The following SLC25A26 variants were observed in gnomAD, a reference collection of about 807,000 sequenced individuals.
The protein encoded by SLC25A26 is mitochondrial S-adenosylmethionine carrier protein.
Under a neutral mutation model 37.8 loss-of-function variants are expected in SLC25A26, and 36 were observed. The ratio of observed to expected loss-of-function variants is 0.95; its 90% confidence interval spans 0.73 to 1.26. The LOEUF (loss-of-function observed/expected upper bound fraction) is 1.26, where lower values mean the gene tolerates loss of function less well. Ranked by LOEUF, SLC25A26 falls within the 50% of genes most tolerant of loss-of-function variation. SLC25A26 has a pLI of 0.00. For missense variants in SLC25A26, 390 were observed against 331.1 expected (o/e 1.18, Z -1.38); for synonymous variants, 129 against 122.5 (o/e 1.05, Z -0.35).
chr3:66,264,877 T>C (rs946957401), intron 5 of SLC25A26, among the ~76,000 whole-genome samples: 5 of 152,212 alleles, frequency 3.3e-5, no homozygotes, highest in African/African-American at 7.2e-5. Context: ...GAGCAGTGTA[T>C]CCCAGGGGAA....
rs138797364 is a variant in SLC25A26, at chr3:66,257,931, C to T, written c.301-4120C>T. On this transcript the variant is annotated intron_variant, in intron 3 of 9. Transcript: ENST00000354883. ...GCTGCTCGAGACTCTTGATGCGTTG[C>T]TCTGCCAGTCTCCATTTGAGGCTTC... is the stretch of plus-strand genomic sequence containing the variant. Among the ~76,000 whole-genome samples the T allele has an allele frequency of 6.9e-3, 1,058 of 152,322 alleles. 11 individuals carry two copies. Among genetic ancestry groups the T allele is most frequent in the African/African-American group, 0.023 (955 of 41,556 alleles).
At chr3:66,174,491 C>T (rs1176020214) in intron 1 of SLC25A26, among the ~76,000 whole-genome samples, 1 of 152,032 alleles carries the variant, frequency 6.6e-6, no homozygotes, top group Non-Finnish European at 1.5e-5. Flanking sequence ...TATGAAAATG[C>T]TCTATGAGGC....
chr3:66,276,366 T>C (rs1380674498), intron 5 of SLC25A26, among the ~76,000 whole-genome samples: 2 of 152,134 alleles, frequency 1.3e-5, no homozygotes, highest in Admixed American at 6.6e-5. Context: ...GTCTTGCAGA[T>C]AAATTCACTG....
intron 5 of SLC25A26, among the ~76,000 whole-genome samples, chr3:66,318,637 G>A (rs6793135): frequency 0.037 from 5,539 of 151,532 alleles, 326 homozygotes; most frequent in African/African-American, 0.13. Flanking sequence ...GGCTGCACCT[G>A]ACTTTTATTT....
At chr3:66,357,065 T>G (rs1408712215) in intron 6 of SLC25A26, among the ~76,000 whole-genome samples, 2 of 152,226 alleles carry the variant, frequency 1.3e-5, no homozygotes, top group African/African-American at 4.8e-5. Context: ...GAAGTGAAAC[T>G]AAGAACATTT....
chr3:66,223,409 G>C (rs1553659394), intron 1 of SLC25A26, among the ~76,000 whole-genome samples: 1 of 152,156 alleles, frequency 6.6e-6, no homozygotes, highest in Non-Finnish European at 1.5e-5. Flanking sequence ...GCCAGCTGAG[G>C]TGGGGCTTTA....
intron 2 of SLC25A26, among the ~76,000 whole-genome samples, chr3:66,237,591 T>G (rs1161157144): frequency 6.6e-6 from 1 of 152,268 alleles, no homozygotes; most frequent in Non-Finnish European, 1.5e-5. Context: ...TTCCAATGTC[T>G]TTTGTTTTGG....
intron 5 of SLC25A26, among the ~76,000 whole-genome samples, chr3:66,288,405 T>C (rs1363743241): frequency 1.3e-5 from 2 of 152,166 alleles, no homozygotes; most frequent in South Asian, 2.1e-4. Context: ...ACATGTGCCA[T>C]GGTGGTTTGC....
chr3:66,313,617 C>T (rs575680498), intron 5 of SLC25A26, among the ~76,000 whole-genome samples: 1 of 151,902 alleles, frequency 6.6e-6, no homozygotes, highest in Admixed American at 6.6e-5. Flanking sequence ...TTTTTTTATT[C>T]CATATGAATT....
chr3:66,149,539 A>T (rs542123229), intron 1 of SLC25A26, among the ~76,000 whole-genome samples: 1 of 152,342 alleles, frequency 6.6e-6, no homozygotes, highest in Admixed American at 6.5e-5. Context: ...GCTGAGGGTA[A>T]TAGCAGTTAG....
At chr3:66,246,916 C>T (rs903546095) in intron 3 of SLC25A26, among the ~76,000 whole-genome samples, 8 of 152,136 alleles carry the variant, frequency 5.3e-5, no homozygotes, top group Admixed American at 3.9e-4. Flanking sequence ...TGCTGGAGTG[C>T]AGTGGCGCGA....
chr3:66,345,090 C>T (rs2076289298), intron 5 of SLC25A26, among the ~76,000 whole-genome samples: 1 of 152,214 alleles, frequency 6.6e-6, no homozygotes, highest in Non-Finnish European at 1.5e-5. Flanking sequence ...CTAGCCCTTA[C>T]TGTTAGACAG....
At chr3:66,296,708 A>T (rs950997229) in intron 5 of SLC25A26, among the ~76,000 whole-genome samples, 4 of 152,208 alleles carry the variant, frequency 2.6e-5, no homozygotes, top group Non-Finnish European at 5.9e-5. Flanking sequence ...TGAAAATAAA[A>T]CTTTGAACAG....
At chr3:66,308,352 G>A (rs1446689681) in intron 5 of SLC25A26, among the ~76,000 whole-genome samples, 7 of 152,172 alleles carry the variant, frequency 4.6e-5, no homozygotes, top group Non-Finnish European at 8.8e-5. Flanking sequence ...CATTGATTTT[G>A]TATCCTGAGA....
At chr3:66,184,336 C>T (rs924245847) in intron 1 of SLC25A26, among the ~76,000 whole-genome samples, 20 of 152,208 alleles carry the variant, frequency 1.3e-4, no homozygotes, top group African/African-American at 4.1e-4. Flanking sequence ...CTTACCCTCA[C>T]CCTGATATGA....
rs1183103685 is a variant in SLC25A26, at chr3:66,199,424, C to T, written c.-353-21318C>T. On this transcript the variant is annotated intron_variant, in intron 1 of 10. Coordinates refer to the SLC25A26 transcript ENST00000676754. ...TCTCATGTTGACTATGATCCTAACC[C>T]TTATCCTGGCCCTGACACTGACTTT... Among the ~76,000 whole-genome samples the T allele has an allele frequency of 9.2e-5, 14 of 152,132 alleles. 1 individual carries two copies. The East Asian group carries it at 2.3e-3, about 25-fold the overall frequency.
chr3:66,208,853 C>A (rs1197385993), intron 1 of SLC25A26, among the ~76,000 whole-genome samples: 1 of 60,458 alleles, frequency 1.7e-5, no homozygotes, highest in African/African-American at 5.2e-5. Context: ...TATATATATA[C>A]CTTTATATGG....
At chr3:66,291,061 G>A (rs1027484695) in intron 5 of SLC25A26, among the ~76,000 whole-genome samples, 1 of 152,132 alleles carries the variant, frequency 6.6e-6, no homozygotes, top group Non-Finnish European at 1.5e-5. Context: ...ATGGGTCCAG[G>A]AATTTATCCA....
At chr3:66,208,503 G>A (rs1367865345) in intron 1 of SLC25A26, among the ~76,000 whole-genome samples, 1 of 151,654 alleles carries the variant, frequency 6.6e-6, no homozygotes, top group Non-Finnish European at 1.5e-5. Context: ...TTTGTGTTTT[G>A]TCTGTCAAAA....
Sources: gnomAD v4.1 joint callset for allele counts (sites outside exome capture counted in the v4.1 genomes callset) on GRCh38, gnomAD v4.1.1 for gene constraint, MANE v1.5 for transcripts, NCBI Gene and HGNC (gene_info 2026-07-23, HGNC 2026-07-21) for gene names.